Variants in GRM3 observed in about 807,000 individuals in gnomAD.
GRM3 encodes the protein glutamate metabotropic receptor 3, also known as metabotropic glutamate receptor 3.
A neutral mutation model predicts 70.5 loss-of-function variants in GRM3; 26 were observed. The observed-to-expected ratio is 0.37, with a 90% CI of 0.27 to 0.51. GRM3 has a LOEUF of 0.51. Among genes scored for constraint, GRM3 ranks in the 20% least tolerant of loss-of-function variants. The probability of loss-of-function intolerance (pLI) is 0.93; values close to 1 mark genes in which losing one functional copy is unlikely to be tolerated. For synonymous variants in GRM3, 443 were observed against 434.9 expected (o/e 1.02, Z -0.23); for missense variants, 859 against 1,123.8 (o/e 0.76, Z 3.37).
intron 1 of GRM3, among the ~76,000 whole-genome samples, chr7:86,752,517 T>C (rs1385153744): frequency 6.6e-6 from 1 of 152,104 alleles, no homozygotes; most frequent in East Asian, 1.9e-4. Flanking sequence ...TGAAAATCTG[T>C]CTCAAATTAT....
At chr7:86,794,565 G>T (rs1377394975) in intron 3 of GRM3, among the ~76,000 whole-genome samples, 1 of 152,206 alleles carries the variant, frequency 6.6e-6, no homozygotes, top group Non-Finnish European at 1.5e-5. Flanking sequence ...ATCAGGCATT[G>T]AGAAGGATGG....
At chr7:86,693,587 A>C (rs555975303) in intron 1 of GRM3, among the ~76,000 whole-genome samples, 15 of 152,338 alleles carry the variant, frequency 9.8e-5, no homozygotes, top group African/African-American at 3.4e-4. Context: ...GAAAATAAGA[A>C]AACAGGATCT....
At chr7:86,681,243 G>A (rs1340324453) in intron 1 of GRM3, among the ~76,000 whole-genome samples, 1 of 152,098 alleles carries the variant, frequency 6.6e-6, no homozygotes, top group Non-Finnish European at 1.5e-5. Context: ...AACTGATACA[G>A]CAACTTCATC....
chr7:86,706,761 G>C (rs1251797386), intron 1 of GRM3, among the ~76,000 whole-genome samples: 1 of 151,904 alleles, frequency 6.6e-6, no homozygotes, highest in African/African-American at 2.4e-5. Context: ...TGACAAAATG[G>C]GTTGATTTTT....
intron 3 of GRM3, among the ~76,000 whole-genome samples, chr7:86,807,009 TC>T (rs1263112140): frequency 8.4e-6 from 1 of 119,178 alleles, no homozygotes; most frequent in Non-Finnish European, 1.7e-5. Context: ...GGAAATCCTT[TC>T]CCCATTTCTT....
At chr7:86,854,296 A>G (rs1798808478) in intron 5 of GRM3, among the ~76,000 whole-genome samples, 1 of 152,158 alleles carries the variant, frequency 6.6e-6, no homozygotes, top group African/African-American at 2.4e-5. Context: ...AGTCTAGGAG[A>G]GCCTCCTGAT....
chr7:86,759,118 G>A (rs1296103131), intron 1 of GRM3, among the ~76,000 whole-genome samples: 1 of 152,024 alleles, frequency 6.6e-6, no homozygotes, highest in East Asian at 1.9e-4. Context: ...CATAAGCCTG[G>A]CCTCCTCTAT....
intron 3 of GRM3, among the ~76,000 whole-genome samples, chr7:86,797,271 A>G (rs1301656982): frequency 6.6e-6 from 1 of 152,194 alleles, no homozygotes; most frequent in Non-Finnish European, 1.5e-5. Flanking sequence ...AACTTCCTAG[A>G]AACTTGTTGA....
At chr7:86,833,845 A>T (rs1798405091) in intron 3 of GRM3, among the ~76,000 whole-genome samples, 1 of 152,134 alleles carries the variant, frequency 6.6e-6, no homozygotes, top group African/African-American at 2.4e-5. Context: ...TAGAATTTGT[A>T]ATGTATGCAT....
At chr7:86,707,420 CAG>C (rs1321529258) in intron 1 of GRM3, among the ~76,000 whole-genome samples, 1 of 152,020 alleles carries the variant, frequency 6.6e-6, no homozygotes, top group Non-Finnish European at 1.5e-5. Context: ...GCTTCCGTGA[CAG>C]AGAGTGTGGA....
chr7:86,722,992 A>T (rs574557171), intron 1 of GRM3, among the ~76,000 whole-genome samples: 3 of 152,218 alleles, frequency 2.0e-5, no homozygotes, highest in South Asian at 4.1e-4. Context: ...TCTGGAGTTG[A>T]CAATTCTTAG....
intron 1 of GRM3, among the ~76,000 whole-genome samples, chr7:86,679,213 A>G (rs549750692): frequency 2.4e-4 from 36 of 152,148 alleles, no homozygotes; most frequent in Non-Finnish European, 3.4e-4. Context: ...ATATCTGTAG[A>G]TGTGATGAAT....
intron 3 of GRM3, among the ~76,000 whole-genome samples, chr7:86,801,401 A>G (rs1372442126): frequency 6.6e-6 from 1 of 152,202 alleles, no homozygotes; most frequent in Non-Finnish European, 1.5e-5. Context: ...TTTGTTCTTC[A>G]TGATAAAGCA....
intron 1 of GRM3, among the ~76,000 whole-genome samples, chr7:86,669,349 G>T (rs1012709831): frequency 6.6e-6 from 1 of 152,190 alleles, no homozygotes; most frequent in Non-Finnish European, 1.5e-5. Context: ...GAAAGAACAG[G>T]TGTTAAAAAC....
chr7:86,843,041 A>C (rs1018244739), intron 4 of GRM3, among the ~76,000 whole-genome samples: 4 of 152,118 alleles, frequency 2.6e-5, no homozygotes, highest in Non-Finnish European at 1.5e-5. Flanking sequence ...GGCCGGGGGC[A>C]GGGCTGGTTC....
At chr7:86,841,428 G>A (rs1798557499) in intron 4 of GRM3, among the ~76,000 whole-genome samples, 1 of 152,094 alleles carries the variant, frequency 6.6e-6, no homozygotes, top group South Asian at 2.1e-4. Flanking sequence ...GAACTACAGG[G>A]GAGTTGGAGT....
At chr7:86,749,333 A>G (rs1796178543) in intron 1 of GRM3, among the ~76,000 whole-genome samples, 1 of 151,436 alleles carries the variant, frequency 6.6e-6, no homozygotes. Flanking sequence ...AGGCTGTGAG[A>G]AGGATGCTTG....
intron 1 of GRM3, among the ~76,000 whole-genome samples, chr7:86,722,996 T>C (rs1170156589): frequency 6.6e-6 from 1 of 152,078 alleles, no homozygotes; most frequent in Admixed American, 6.6e-5. Flanking sequence ...GAGTTGACAA[T>C]TCTTAGTGCA....
intron 5 of GRM3, among the ~76,000 whole-genome samples, chr7:86,860,066 T>A (rs1306238002): frequency 6.6e-6 from 1 of 152,204 alleles, no homozygotes; most frequent in East Asian, 1.9e-4. Flanking sequence ...AGTTACTATT[T>A]ACCCCAAGTC....
Sources: gnomAD v4.1 joint callset for allele counts (sites outside exome capture counted in the v4.1 genomes callset) on GRCh38, gnomAD v4.1.1 for gene constraint, MANE v1.5 for transcripts, NCBI Gene and HGNC (gene_info 2026-07-23, HGNC 2026-07-21) for gene names.